The following DACH2 variants were observed in gnomAD, a reference collection of about 807,000 sequenced individuals.
DACH2 encodes the protein dachshund family transcription factor 2.
In DACH2, 17 loss-of-function variants were observed where a neutral mutation model predicts 35.8. That is an observed-to-expected ratio of 0.48 (90% CI 0.33 to 0.71). The LOEUF (loss-of-function observed/expected upper bound fraction) is 0.71. DACH2 is among the 30% of genes least tolerant of loss of function. The probability of loss-of-function intolerance (pLI) is 0.02; values close to 1 mark genes in which losing one functional copy is unlikely to be tolerated. For synonymous variants in DACH2, 195 were observed against 177.3 expected (o/e 1.10, Z -0.79); for missense variants, 469 against 472.7 (o/e 0.99, Z 0.07).
chrX:86,763,013 A>C (rs1482470950), intron 7 of DACH2, among the ~76,000 whole-genome samples: 2 of 111,068 alleles, frequency 1.8e-5, no homozygotes, highest in African/African-American at 6.6e-5. Context: ...ACATGAGCAC[A>C]GTTGTTTTTG....
In DACH2 at chrX:86,814,827, G is replaced by A. The variant is rs147173265; in HGVS notation, c.1677G>A (p.Met559Ile). 34 of 1,204,249 alleles carry A rather than the reference G, an allele frequency of 2.8e-5. No individual in the cohort carries two copies. The highest frequency in any genetic ancestry group is 3.8e-5 in the Non-Finnish European group (34 of 892,683). ...QATTSDSGLRMLKDTGIPDIE... is the reference protein window; with the variant it reads ...QATTSDSGLRILKDTGIPDIE... ...CCACTAGTGACAGTGGCCTGAGGATGTTAAAAGGTAATGTCTGATTTGGAT... is the reference window on the plus strand; with the variant it reads ...CCACTAGTGACAGTGGCCTGAGGATATTAAAAGGTAATGTCTGATTTGGAT... Residue 559 changes from methionine (M) to isoleucine (I), a missense_variant, in exon 10 of 12, where the codon ATG becomes ATA. Met to Ile is a conservative substitution (Grantham distance 10, BLOSUM62 1). Transcript: ENST00000373125.
chrX:86,356,409 A>G (rs1010885115), intron 1 of DACH2, among the ~76,000 whole-genome samples: 9 of 110,983 alleles, frequency 8.1e-5, no homozygotes, highest in African/African-American at 3.0e-4. Context: ...TTTTTTTAGC[A>G]GTACCATGTT....
intron 1 of DACH2, among the ~76,000 whole-genome samples, chrX:86,357,997 T>A (rs2035670427): frequency 9.0e-6 from 1 of 111,686 alleles, no homozygotes; most frequent in Non-Finnish European, 1.9e-5. Flanking sequence ...TGTGTGTGGG[T>A]GTGTACAGGT....
At chrX:86,438,778 T>G (rs2037111811) in intron 2 of DACH2, among the ~76,000 whole-genome samples, 1 of 112,518 alleles carries the variant, frequency 8.9e-6, no homozygotes, top group Non-Finnish European at 1.9e-5. Context: ...ATTGCCACAC[T>G]GTCTTCCACA....
At chrX:86,153,523 C>T (rs945320335) in intron 1 of DACH2, among the ~76,000 whole-genome samples, 2 of 111,299 alleles carry the variant, frequency 1.8e-5, no homozygotes, top group African/African-American at 3.2e-5. Flanking sequence ...TACAGTTAGG[C>T]AATGTCAAAT....
intron 2 of DACH2, among the ~76,000 whole-genome samples, chrX:86,511,189 C>T (rs746241790): frequency 1.2e-4 from 13 of 111,568 alleles, no homozygotes; most frequent in Admixed American, 2.9e-4. Context: ...ACAGAGTCCT[C>T]CACAATCTTT....
chrX:86,554,015 G>C (rs9988329), intron 3 of DACH2, among the ~76,000 whole-genome samples: 18,547 of 110,565 alleles, frequency 0.17, 1,557 homozygotes, highest in African/African-American at 0.32. Flanking sequence ...GTGTGTGTGT[G>C]CGTGTTTGTG....
At chrX:86,283,562 G>A (rs1008599357) in intron 1 of DACH2, among the ~76,000 whole-genome samples, 1 of 111,108 alleles carries the variant, frequency 9.0e-6, no homozygotes, top group Admixed American at 9.7e-5. Flanking sequence ...AAAAGGATGA[G>A]TTAATGTCCT....
At chrX:86,421,038 G>C (rs1163342240) in intron 2 of DACH2, among the ~76,000 whole-genome samples, 1 of 111,149 alleles carries the variant, frequency 9.0e-6, no homozygotes, top group Non-Finnish European at 1.9e-5. Flanking sequence ...TATTCAAGCA[G>C]AAAATATGTT....
chrX:86,761,227 A>C (rs1486777654), intron 7 of DACH2, among the ~76,000 whole-genome samples: 1 of 109,350 alleles, frequency 9.1e-6, no homozygotes, highest in Non-Finnish European at 1.9e-5. Flanking sequence ...CCAGTGTGTG[A>C]TGTTCCCCTC....
At chrX:86,540,410 AT>A (rs2038864211) in intron 3 of DACH2, among the ~76,000 whole-genome samples, 1 of 112,390 alleles carries the variant, frequency 8.9e-6, no homozygotes, top group Admixed American at 9.4e-5. Context: ...GCCAAAAAAA[AT>A]ATGCATCACA....
At chrX:86,691,593 T>A (rs1311128522) in intron 4 of DACH2, among the ~76,000 whole-genome samples, 1 of 111,303 alleles carries the variant, frequency 9.0e-6, no homozygotes, top group Non-Finnish European at 1.9e-5. Flanking sequence ...AGGAAACTTG[T>A]GCATAAAAGA....
chrX:86,232,281 A>T (rs905270820), intron 1 of DACH2, among the ~76,000 whole-genome samples: 2 of 112,442 alleles, frequency 1.8e-5, no homozygotes, highest in African/African-American at 6.5e-5. Context: ...ACCATTCTGG[A>T]TATAGAAACT....
intron 2 of DACH2, among the ~76,000 whole-genome samples, chrX:86,401,545 A>T: frequency 9.0e-6 from 1 of 111,723 alleles, no homozygotes; most frequent in Admixed American, 9.5e-5. Context: ...ATTTCAAATG[A>T]AATTAATGGT....
At position 86,685,294 on chromosome X, in the gene DACH2, A is replaced by G. The variant is rs372118868; in HGVS notation, c.773-9727A>G. Among the ~76,000 whole-genome samples the G allele has an allele frequency of 1.2e-4, 13 of 109,082 alleles. No individual in the cohort carries two copies. In the East Asian group the frequency reaches 3.5e-3, roughly 29 times the overall value. The allele number at this position is 109,082 out of a possible 115,157, so 94.7% of individuals were successfully genotyped here. On this transcript the variant is annotated intron_variant, in intron 4 of 11. Transcript: ENST00000373125. Reference sequence around the variant, plus strand: ...ATGGCCAACCACTGCCCTGCTGAAAACTCCTACTCTTTTTTTCCTCTGGAT... The same window carrying G: ...ATGGCCAACCACTGCCCTGCTGAAAGCTCCTACTCTTTTTTTCCTCTGGAT...
chrX:86,251,317 CT>C (rs1450686929), intron 1 of DACH2, among the ~76,000 whole-genome samples: 1 of 111,248 alleles, frequency 9.0e-6, no homozygotes, highest in Non-Finnish European at 1.9e-5. Context: ...GGAATCTTCT[CT>C]GTTATTTCAT....
chrX:86,763,572 G>A (rs1343539418), intron 7 of DACH2, among the ~76,000 whole-genome samples: 1 of 111,719 alleles, frequency 9.0e-6, no homozygotes, highest in Non-Finnish European at 1.9e-5. Flanking sequence ...TCCTGCCTCA[G>A]CCTCCTGAGT....
chrX:86,795,232 CTTTT>C (rs35324617), intron 7 of DACH2, among the ~76,000 whole-genome samples: 1 of 85,180 alleles, frequency 1.2e-5, no homozygotes. Flanking sequence ...GAAGCATGTT[CTTTT>C]TTTTTTTTTT....
intron 4 of DACH2, among the ~76,000 whole-genome samples, chrX:86,676,948 C>T (rs2085251929): frequency 9.0e-6 from 1 of 110,810 alleles, no homozygotes; most frequent in Admixed American, 9.8e-5. Context: ...ACTGTTTTCT[C>T]ACAAGAAGTA....
Sources: gnomAD v4.1 joint callset for allele counts (sites outside exome capture counted in the v4.1 genomes callset) on GRCh38, gnomAD v4.1.1 for gene constraint, MANE v1.5 for transcripts, NCBI Gene and HGNC (gene_info 2026-07-23, HGNC 2026-07-21) for gene names.